The following ME1 variants were observed in gnomAD, a reference collection of about 807,000 sequenced individuals.
ME1 encodes the protein NADP-dependent malic enzyme.
A neutral mutation model predicts 66.4 loss-of-function variants in ME1; 74 were observed. The observed-to-expected ratio is 1.11, with a 90% CI of 0.92 to 1.35. ME1 has a LOEUF of 1.35. ME1 is among the 40% of genes most tolerant of loss of function. ME1 has a pLI of 0.00. For missense variants in ME1, 750 were observed against 694.1 expected (o/e 1.08, Z -0.90); for synonymous variants, 251 against 235.6 (o/e 1.07, Z -0.60).
intron 5 of ME1, among the ~76,000 whole-genome samples, chr6:83,344,915 A>C (rs1408387718): frequency 2.6e-5 from 4 of 151,770 alleles, no homozygotes; most frequent in Non-Finnish European, 5.9e-5. Context: ...AATAATAAAT[A>C]AACTATTTTA....
intron 6 of ME1, among the ~76,000 whole-genome samples, chr6:83,281,806 C>CAAAAA (rs140157932): frequency 0.021 from 282 of 13,238 alleles, 6 homozygotes; most frequent in Non-Finnish European, 0.027. Flanking sequence ...ACTCTGTCTC[C>CAAAAA]AAAAAAAAAA....
At chr6:83,398,139 G>T (rs934652451) in intron 3 of ME1, among the ~76,000 whole-genome samples, 1 of 152,118 alleles carries the variant, frequency 6.6e-6, no homozygotes, top group South Asian at 2.1e-4. Context: ...GTAGATTTTA[G>T]CATACTCACC....
intron 8 of ME1, among the ~76,000 whole-genome samples, chr6:83,238,802 A>ATG (rs1336444950): frequency 6.8e-6 from 1 of 146,526 alleles, no homozygotes; most frequent in African/African-American, 2.5e-5. Context: ...CTTGAAAAAT[A>ATG]TATATATATA....
intron 6 of ME1, among the ~76,000 whole-genome samples, chr6:83,290,483 G>A (rs1016602692): frequency 6.6e-5 from 10 of 152,194 alleles, no homozygotes; most frequent in Non-Finnish European, 1.2e-4. Flanking sequence ...TTGCACTGTG[G>A]TCTGAGAGAC....
chr6:83,297,765 G>T (rs1266236154), intron 6 of ME1, among the ~76,000 whole-genome samples: 1 of 152,082 alleles, frequency 6.6e-6, no homozygotes, highest in Non-Finnish European at 1.5e-5. Flanking sequence ...ACAGGCCCCA[G>T]TGTGTGTTCT....
chr6:83,352,170 T>C, intron 3 of ME1, 31 bp from the exon 4 acceptor site: 3 of 1,367,724 alleles, frequency 2.2e-6, no homozygotes, highest in Non-Finnish European at 2.9e-6. Flanking sequence ...AAAGGAGTAG[T>C]TTACATTTAC....
chr6:83,386,105 GAAAT>G (rs1015307888), intron 3 of ME1, among the ~76,000 whole-genome samples: 6 of 151,756 alleles, frequency 4.0e-5, no homozygotes, highest in African/African-American at 1.5e-4. Flanking sequence ...CAAGGGAAAT[GAAAT>G]AAATGGACCA....
chr6:83,362,417 G>A (rs1163786566), intron 3 of ME1, among the ~76,000 whole-genome samples: 1 of 152,184 alleles, frequency 6.6e-6, no homozygotes, highest in African/African-American at 2.4e-5. Context: ...GACATGACCC[G>A]TTCTGTGGAC....
At chr6:83,279,352 A>G (rs1767247409) in intron 6 of ME1, among the ~76,000 whole-genome samples, 1 of 152,228 alleles carries the variant, frequency 6.6e-6, no homozygotes, top group African/African-American at 2.4e-5. Context: ...TCAGAATGAG[A>G]TTCAGATATA....
chr6:83,379,995 T>G (rs572910094), intron 3 of ME1, among the ~76,000 whole-genome samples: 1 of 152,202 alleles, frequency 6.6e-6, no homozygotes, highest in African/African-American at 2.4e-5. Flanking sequence ...AATGGAGGGA[T>G]TCAAACCAAC....
rs974345681 is a variant in ME1, at chr6:83,287,644, T to C, written c.704+27666A>G. On this transcript the variant is annotated intron_variant, in intron 6 of 13. Transcript: ENST00000369705. ...TGCATGTGTCTTTATCGTAGAATGA[T>C]GTATAATCCTTTTGGTATACACTCA... Among the ~76,000 whole-genome samples, 15 of 152,212 alleles carry C rather than the reference T, an allele frequency of 9.9e-5. No individual in the cohort carries two copies. The South Asian group carries it at 1.2e-3, about 13-fold the overall frequency.
intron 1 of ME1, among the ~76,000 whole-genome samples, chr6:83,416,207 T>A (rs1357398134): frequency 1.3e-5 from 2 of 152,216 alleles, no homozygotes; most frequent in Non-Finnish European, 2.9e-5. Flanking sequence ...TTTCACTGGG[T>A]TGTTGGGAAG....
At chr6:83,407,636 T>C in intron 2 of ME1, 132 bp downstream of exon 2, 2 of 886,564 alleles carry the variant, frequency 2.3e-6, no homozygotes, top group Non-Finnish European at 3.3e-6. Context: ...ATCATTGTGT[T>C]TACAGGAAAA....
At chr6:83,296,057 C>T (rs2128535740) in intron 6 of ME1, among the ~76,000 whole-genome samples, 1 of 152,232 alleles carries the variant, frequency 6.6e-6, no homozygotes, top group Non-Finnish European at 1.5e-5. Context: ...AGCCCAGGAA[C>T]TGAAAGATTC....
intron 3 of ME1, among the ~76,000 whole-genome samples, chr6:83,375,125 T>A (rs930237969): frequency 2.0e-5 from 3 of 152,216 alleles, no homozygotes; most frequent in African/African-American, 7.2e-5. Context: ...TTTCTAATTC[T>A]GTGAAGAATG....
intron 6 of ME1, among the ~76,000 whole-genome samples, chr6:83,256,180 T>C (rs190873819): frequency 6.6e-6 from 1 of 152,098 alleles, no homozygotes; most frequent in African/African-American, 2.4e-5. Context: ...AAAATGAGAA[T>C]AGTAACAGCC....
chr6:83,230,915 A>AGC (rs1343569452), intron 9 of ME1, among the ~76,000 whole-genome samples: 6 of 152,196 alleles, frequency 3.9e-5, no homozygotes, highest in Non-Finnish European at 8.8e-5. Context: ...CCTGGGCGAC[A>AGC]GCGAGACTCT....
chr6:83,213,014 TA>T (rs776841665), intron 13 of ME1, among the ~76,000 whole-genome samples: 4 of 151,674 alleles, frequency 2.6e-5, no homozygotes, highest in Non-Finnish European at 5.9e-5. Context: ...TCACTTCATA[TA>T]TACTATTTAA....
intron 2 of ME1, among the ~76,000 whole-genome samples, chr6:83,400,254 T>C (rs1295225503): frequency 6.6e-6 from 1 of 152,108 alleles, no homozygotes; most frequent in African/African-American, 2.4e-5. Flanking sequence ...TTAGCACCAA[T>C]CCCTTTGTGA....
Sources: gnomAD v4.1 joint callset for allele counts (sites outside exome capture counted in the v4.1 genomes callset) on GRCh38, gnomAD v4.1.1 for gene constraint, MANE v1.5 for transcripts, NCBI Gene and HGNC (gene_info 2026-07-23, HGNC 2026-07-21) for gene names.